Variants in PSEN1 observed in about 807,000 individuals in gnomAD.
The protein encoded by PSEN1 is presenilin-1.
A neutral mutation model predicts 53.5 loss-of-function variants in PSEN1; 15 were observed. The ratio of observed to expected loss-of-function variants is 0.28; its 90% CI spans 0.19 to 0.43. The LOEUF (loss-of-function observed/expected upper bound fraction) is 0.43, where lower values mean the gene tolerates loss of function less well. Among genes scored for constraint, PSEN1 ranks in the 20% least tolerant of loss-of-function variants. The pLI, the probability that PSEN1 is intolerant of heterozygous loss-of-function variation, is 1.00. For missense variants in PSEN1, 387 were observed against 571.2 expected (o/e 0.68, Z 3.29); for synonymous variants, 208 against 209.8 (o/e 0.99, Z 0.08).
chr14:73,139,792 A>G (rs1013055242), intron 1 of PSEN1, among the ~76,000 whole-genome samples: 1 of 152,208 alleles, frequency 6.6e-6, no homozygotes, highest in Non-Finnish European at 1.5e-5. Context: ...GTGTGCTTAT[A>G]TAGAAGAAAC....
chr14:73,147,960 T>G lies in PSEN1; in HGVS notation c.-53-7T>G, dbSNP rs1897116827. Reference sequence around the variant, plus strand: ...GCACAAAGTTCTGTTTTTCTTTCCCTTTTCAGAACCTCAAGAGGCTTTGTT... The same window carrying G: ...GCACAAAGTTCTGTTTTTCTTTCCCGTTTCAGAACCTCAAGAGGCTTTGTT... On this transcript the variant is annotated splice_region_variant and splice_polypyrimidine_tract_variant and intron_variant, in intron 2 of 11. Coordinates refer to ENST00000324501, the MANE Select transcript of PSEN1 (RefSeq NM_000021.4). 3.6e-6 allele frequency: 5 copies of G among 1,373,192 alleles called. No individual in the cohort carries two copies. The Admixed American group carries it at 8.6e-5, about 23-fold the overall frequency. The allele number at this position is 1,373,192 out of a possible 1,614,324, so 85.1% of individuals were successfully genotyped here.
At chr14:73,161,610 T>C (rs1897539611) in intron 3 of PSEN1, among the ~76,000 whole-genome samples, 1 of 152,220 alleles carries the variant, frequency 6.6e-6, no homozygotes, top group South Asian at 2.1e-4. Flanking sequence ...AAGCTGTCAA[T>C]AGTCCTCTCC....
At chr14:73,192,225 C>T (rs1356675407) in intron 6 of PSEN1, among the ~76,000 whole-genome samples, 1 of 151,988 alleles carries the variant, frequency 6.6e-6, no homozygotes, top group Non-Finnish European at 1.5e-5. Flanking sequence ...ATTGCTTGAA[C>T]CCAGGAGTTT....
Position 73,219,605 on chromosome 14 carries a change from G to A in PSEN1, c.*316G>A, listed in dbSNP as rs989606257. On this transcript the variant is annotated 3_prime_UTR_variant, in exon 12 of 12. Coordinates refer to ENST00000324501, the MANE Select transcript of PSEN1 (RefSeq NM_000021.4). The stretch of plus-strand genomic sequence containing the variant: ...CTGTGCCCCATCAGCAGCTTGACGC[G>A]TGGTCACAGGACGATTTCACTGACA... 4 of 385,770 alleles carry A rather than the reference G, an allele frequency of 1.0e-5. No homozygotes were observed. The highest frequency in any genetic ancestry group is 4.1e-5 in the African/African-American group (2 of 48,564). 23.9% of individuals were successfully genotyped at this position (385,770 alleles called of 1,614,324 possible).
At chr14:73,197,137 G>A (rs150050804) in intron 7 of PSEN1, among the ~76,000 whole-genome samples, 1 of 152,012 alleles carries the variant, frequency 6.6e-6, no homozygotes. Context: ...GTTTCACCGT[G>A]TTAGCCAGGA....
At chr14:73,205,347 C>T (rs969423239) in intron 8 of PSEN1, among the ~76,000 whole-genome samples, 2 of 151,810 alleles carry the variant, frequency 1.3e-5, no homozygotes, top group Non-Finnish European at 2.9e-5. Context: ...GGCATGGTGG[C>T]GGGCGCCTGT....
chr14:73,146,545 T>C (rs931535535), intron 1 of PSEN1, among the ~76,000 whole-genome samples: 7 of 152,220 alleles, frequency 4.6e-5, no homozygotes, highest in Non-Finnish European at 1.0e-4. Context: ...ATGGACATGG[T>C]ACATAAAAGC....
At chr14:73,184,945 A>T (rs1898433248) in intron 5 of PSEN1, among the ~76,000 whole-genome samples, 1 of 148,404 alleles carries the variant, frequency 6.7e-6, no homozygotes, top group Non-Finnish European at 1.5e-5. Context: ...GGCCGGGCAG[A>T]GGTGCTCCTC....
chr14:73,199,928 G>C (rs971340677), intron 8 of PSEN1, among the ~76,000 whole-genome samples: 4 of 152,022 alleles, frequency 2.6e-5, no homozygotes, highest in African/African-American at 7.2e-5. Flanking sequence ...TGTATTTTTA[G>C]TGGAGACACG....
At chr14:73,216,688 G>T (rs61986928) in intron 10 of PSEN1, among the ~76,000 whole-genome samples, 11,122 of 151,848 alleles carry the variant, frequency 0.073, 424 homozygotes, top group Non-Finnish European at 0.09. Context: ...GAACCTGGGC[G>T]GCAGAGTCTG....
intron 11 of PSEN1, among the ~76,000 whole-genome samples, chr14:73,217,795 A>ATATT (rs1555358140): frequency 2.4e-5 from 3 of 126,314 alleles, no homozygotes; most frequent in African/African-American, 9.2e-5. Flanking sequence ...CAAAACTATG[A>ATATT]TTTTTTTTTT....
chr14:73,151,892 ATATTTTTTTTTTTTTTTTT>A (rs1897238008), intron 3 of PSEN1, among the ~76,000 whole-genome samples: 3 of 51,472 alleles, frequency 5.8e-5, no homozygotes, highest in African/African-American at 2.2e-4. Flanking sequence ...ATATATATAT[ATATTTTTTTTTTTTTTTTT>A]TTTTTTTTTT....
chr14:73,138,368 G>T (rs1046738938), intron 1 of PSEN1, among the ~76,000 whole-genome samples: 7 of 151,208 alleles, frequency 4.6e-5, no homozygotes, highest in Non-Finnish European at 1.0e-4. Context: ...ACAGGCGTCC[G>T]CCACCACGCC....
intron 5 of PSEN1, among the ~76,000 whole-genome samples, chr14:73,184,065 ACCTC>A (rs2140068849): frequency 9.6e-6 from 1 of 103,730 alleles, no homozygotes; most frequent in South Asian, 3.3e-4. Context: ...TGATCCCCCC[ACCTC>A]CCTCCCAGAC....
chr14:73,209,291 A>G (rs927799994), intron 9 of PSEN1, among the ~76,000 whole-genome samples: 2 of 152,196 alleles, frequency 1.3e-5, no homozygotes, highest in African/African-American at 2.4e-5. Flanking sequence ...TGCAGCTGCC[A>G]TCTTTGCAGC....
chr14:73,186,844 C>A lies in PSEN1; in HGVS notation c.481-9C>A. ...CCTGTTAATTATATTGAAATGCTTT[C>A]TTTTCTAGGTCATCCATGCCTGGCT... On this transcript the variant is annotated splice_polypyrimidine_tract_variant and intron_variant, in intron 5 of 11. Transcript: ENST00000324501. 1 of 1,604,698 alleles carries A rather than the reference C, an allele frequency of 6.2e-7. No homozygotes were observed. The highest frequency in any genetic ancestry group is 8.5e-7 in the Non-Finnish European group (1 of 1,171,674).
chr14:73,179,576 C>G (rs867308263), intron 5 of PSEN1, among the ~76,000 whole-genome samples: 1 of 152,094 alleles, frequency 6.6e-6, no homozygotes, highest in African/African-American at 2.4e-5. Flanking sequence ...AAGATCGTGC[C>G]ACTGCACTCC....
rs968874451 is a variant in PSEN1 at position 73,221,896 on chromosome 14, G to C, written c.*2607G>C. The C allele has an allele frequency of 9.2e-5, 14 of 152,140 alleles. No individual in the cohort carries two copies. Among genetic ancestry groups the C allele is most frequent in the African/African-American group, 3.4e-4 (14 of 41,428 alleles). 9.4% of individuals were successfully genotyped at this position (152,140 alleles called of 1,614,324 possible). A position where few individuals can be genotyped will look rare whatever the true frequency, so the allele number is the denominator to read the frequency against. ...GGACAGGCGGTGGTTATAGAGTCGG[G>C]CAAAACCAGCAGTAGAGTATGACCA... On this transcript the variant is annotated 3_prime_UTR_variant, in exon 12 of 12. Transcript: ENST00000324501.
At chr14:73,139,815 T>C (rs556789528) in intron 1 of PSEN1, among the ~76,000 whole-genome samples, 3 of 152,330 alleles carry the variant, frequency 2.0e-5, no homozygotes, top group East Asian at 3.9e-4. Flanking sequence ...AGTAAATGTT[T>C]GTTGATTGAA....
Sources: allele counts gnomAD v4.1 joint callset (sites outside exome capture counted in the v4.1 genomes callset), GRCh38; gene constraint gnomAD v4.1.1; transcripts MANE v1.5; gene names NCBI Gene and HGNC (gene_info 2026-07-23, HGNC 2026-07-21).